The following PARD3B variants were observed in gnomAD, a reference collection of about 807,000 sequenced individuals.
The protein encoded by PARD3B is par-3 family cell polarity regulator beta, also known as partitioning defective 3 homolog B.
In PARD3B, 103 loss-of-function variants were observed where a neutral mutation model predicts 130.2. The ratio of observed to expected loss-of-function variants is 0.79; its 90% CI spans 0.67 to 0.93. The LOEUF is 0.93. Ranked by LOEUF, PARD3B falls within the 40% of genes least tolerant of loss-of-function variation. The pLI, the probability that PARD3B is intolerant of heterozygous loss-of-function variation, is 0.00. For synonymous variants in PARD3B, 583 were observed against 553.2 expected (o/e 1.05, Z -0.76); for missense variants, 1,609 against 1,499.2 (o/e 1.07, Z -1.21).
intron 15 of PARD3B, among the ~76,000 whole-genome samples, chr2:205,196,670 G>A (rs2036698840): frequency 6.6e-6 from 1 of 152,098 alleles, no homozygotes; most frequent in Non-Finnish European, 1.5e-5. Flanking sequence ...GTATGAGATG[G>A]AAGAATTTTC....
At chr2:204,729,228 GA>G (rs2039378179) in intron 2 of PARD3B, among the ~76,000 whole-genome samples, 1 of 152,190 alleles carries the variant, frequency 6.6e-6, no homozygotes, top group African/African-American at 2.4e-5. Context: ...ATGGATTATT[GA>G]AATAAAGAAA....
chr2:204,601,038 G>A (rs2033488573), intron 1 of PARD3B, among the ~76,000 whole-genome samples: 1 of 151,718 alleles, frequency 6.6e-6, no homozygotes, highest in Non-Finnish European at 1.5e-5. Context: ...TGATCGTTAA[G>A]CACATTTCCT....
rs10804148 is a variant in PARD3B at position 205,366,461 on chromosome 2, T to C, written c.2631-34552T>C. On this transcript the variant is annotated intron_variant, in intron 18 of 22. Transcript: ENST00000406610. The surrounding 1 kb of genome is among the most constrained non-coding windows in gnomAD (Gnocchi z 5.0). ...GCAGCTTATATTTATGAAGTGTCTTTTTCTGACGAGTTTAAAAGATTCTGT... is the reference window on the plus strand; with the variant it reads ...GCAGCTTATATTTATGAAGTGTCTTCTTCTGACGAGTTTAAAAGATTCTGT... Among the ~76,000 whole-genome samples, 90,483 of 152,038 alleles carry C rather than the reference T, an allele frequency of 0.6. 30,446 individuals are homozygous for C. Among genetic ancestry groups the C allele is most frequent in the South Asian group, 0.77 (3,700 of 4,816 alleles).
chr2:205,106,598 C>A (rs1703240548), intron 5 of PARD3B, among the ~76,000 whole-genome samples: 1 of 151,258 alleles, frequency 6.6e-6, no homozygotes, highest in Non-Finnish European at 1.5e-5. Flanking sequence ...TAAGGAACTA[C>A]AATTCATAGC....
intron 3 of PARD3B, among the ~76,000 whole-genome samples, chr2:204,997,962 G>GTATA (rs151335901): frequency 2.1e-3 from 304 of 147,602 alleles, no homozygotes; most frequent in Admixed American, 4.4e-3. Flanking sequence ...GAGTGTATGT[G>GTATA]TATATATATA....
In PARD3B at chr2:205,281,258, T is replaced by G. The variant is rs2041176815; in HGVS notation, c.2186-19272T>G. 6.6e-6 allele frequency among the ~76,000 whole-genome samples: 1 copy of G among 152,180 alleles called. No individual in the cohort carries two copies. The highest frequency in any genetic ancestry group is 2.1e-4 in the South Asian group (1 of 4,836). On this transcript the variant is annotated intron_variant, in intron 16 of 22. Transcript: ENST00000406610. The surrounding 1 kb of genome is among the most constrained non-coding windows in gnomAD (Gnocchi z 4.2). Reference sequence around the variant, plus strand: ...ACAAAAGGGTTGGGGATGATCATGTTAAATAAACATCTACTTTAGCATCTC... The same window carrying G: ...ACAAAAGGGTTGGGGATGATCATGTGAAATAAACATCTACTTTAGCATCTC...
chr2:205,316,482 A>G (rs939397206), intron 18 of PARD3B, among the ~76,000 whole-genome samples: 1 of 152,184 alleles, frequency 6.6e-6, no homozygotes, highest in Non-Finnish European at 1.5e-5. Context: ...TATGAAAAAG[A>G]TTTGCCAATC....
rs189271790 is a variant in PARD3B, at chr2:204,979,580, G to A, written c.394+14257G>A. 5.3e-3 allele frequency among the ~76,000 whole-genome samples: 802 copies of A among 152,268 alleles called. 2 individuals are homozygous for A. The highest frequency in any genetic ancestry group is 7.3e-3 in the Non-Finnish European group (498 of 68,010). ...ATGGAAAACAACAAGTCAAAGATAA[G>A]GACAGTGTAGAATTGACAAGACAGT... On this transcript the variant is annotated intron_variant, in intron 3 of 22. Coordinates refer to ENST00000406610, the MANE Select transcript of PARD3B (RefSeq NM_001302769.2).
intron 18 of PARD3B, among the ~76,000 whole-genome samples, chr2:205,331,782 CAAAAA>C (rs56654511): frequency 3.5e-4 from 17 of 48,404 alleles, no homozygotes; most frequent in Admixed American, 1.5e-3. Context: ...GACTCCGTCT[CAAAAA>C]AAAAAAAAAA....
intron 3 of PARD3B, among the ~76,000 whole-genome samples, chr2:204,984,646 C>A (rs1692970852): frequency 6.6e-6 from 1 of 152,004 alleles, no homozygotes; most frequent in Non-Finnish European, 1.5e-5. Context: ...TGGAGCGGCC[C>A]TGGAATTTGT....
At chr2:204,959,019 T>TAG (rs1401755549) in intron 2 of PARD3B, among the ~76,000 whole-genome samples, 2 of 152,306 alleles carry the variant, frequency 1.3e-5, no homozygotes, top group Admixed American at 1.3e-4. Flanking sequence ...TGCAGGTTTG[T>TAG]TACTTAGGTA....
chr2:204,556,838 T>C (rs1161243148), intron 1 of PARD3B, among the ~76,000 whole-genome samples: 2 of 152,198 alleles, frequency 1.3e-5, no homozygotes, highest in African/African-American at 4.8e-5. Flanking sequence ...AGTATGTCTG[T>C]TAAGGCCTCA....
intron 18 of PARD3B, among the ~76,000 whole-genome samples, chr2:205,336,928 C>T (rs1367584449): frequency 6.7e-6 from 1 of 150,086 alleles, no homozygotes; most frequent in Non-Finnish European, 1.5e-5. Flanking sequence ...GGGGTTGGCT[C>T]TTTCCTTAGT....
intron 18 of PARD3B, among the ~76,000 whole-genome samples, chr2:205,346,305 G>A (rs1391644216): frequency 6.6e-6 from 1 of 151,918 alleles, no homozygotes; most frequent in Non-Finnish European, 1.5e-5. Context: ...TGACAATATG[G>A]CTTGCCCATT....
At chr2:204,756,548 A>G (rs187956474) in intron 2 of PARD3B, among the ~76,000 whole-genome samples, 2 of 152,290 alleles carry the variant, frequency 1.3e-5, no homozygotes, top group East Asian at 3.9e-4. Context: ...GGAAATGGTT[A>G]GCTTTGCTTT....
Position 205,306,156 on chromosome 2 carries a change from G to A in PARD3B, c.2630+4455G>A, listed in dbSNP as rs528171290. Among the ~76,000 whole-genome samples, 12 of 152,174 alleles carry A rather than the reference G, an allele frequency of 7.9e-5. No individual in the cohort carries two copies. In the South Asian group the frequency reaches 2.1e-3, roughly 26 times the overall value. On this transcript the variant is annotated intron_variant, in intron 18 of 22. Transcript: ENST00000406610. The stretch of plus-strand genomic sequence containing the variant: ...GACCATGAGCCAAGGAATGTAGGCA[G>A]CCTCTAGAAACTAGAAAGGGCAAGG...
chr2:205,337,112 C>T (rs1196766163), intron 18 of PARD3B, among the ~76,000 whole-genome samples: 1 of 152,062 alleles, frequency 6.6e-6, no homozygotes, highest in Non-Finnish European at 1.5e-5. Context: ...AATTAGATAA[C>T]CTGTATAGAC....
intron 6 of PARD3B, 86 bp from the exon 7 acceptor site, chr2:205,118,835 A>T (rs899745345): frequency 1.0e-6 from 1 of 954,984 alleles, no homozygotes; most frequent in African/African-American, 1.7e-5. Context: ...ATAGAAATCA[A>T]TATGTATTTC....
At position 205,446,057 on chromosome 2, in the gene PARD3B, T is replaced by G. The variant is rs1404584093; in HGVS notation, c.3044+5385T>G. Among the ~76,000 whole-genome samples the G allele has an allele frequency of 6.6e-6, 1 of 152,006 alleles. No individual in the cohort carries two copies. Among genetic ancestry groups the G allele is most frequent in the East Asian group, 1.9e-4 (1 of 5,176 alleles). ...GTGGAAAGTGCAGCCGAAGAGTAAG[T>G]GCAGGGTACTGTTTGGGGCCAGGCA... is the stretch of plus-strand genomic sequence containing the variant. On this transcript the variant is annotated intron_variant, in intron 20 of 22. Coordinates refer to ENST00000406610, the MANE Select transcript of PARD3B (RefSeq NM_001302769.2). This position sits in a 1 kb window ranked among gnomAD's most constrained non-coding sequence, Gnocchi z 4.4.
Sources: gnomAD v4.1 joint callset for allele counts (sites outside exome capture counted in the v4.1 genomes callset) on GRCh38, gnomAD v4.1.1 for gene constraint, Gnocchi (gnomAD v3.1) non-coding constraint, MANE v1.5 for transcripts, NCBI Gene and HGNC (gene_info 2026-07-23, HGNC 2026-07-21) for gene names.